GALNTL6: variants seen among roughly 807,000 people sequenced by gnomAD.
GALNTL6 encodes polypeptide N-acetylgalactosaminyltransferase like 6.
A neutral mutation model predicts 73.7 loss-of-function variants in GALNTL6; 46 were observed. The observed-to-expected ratio is 0.62, with a 90% CI of 0.49 to 0.80. The LOEUF is 0.80. GALNTL6 is among the 30% of genes least tolerant of loss of function. The pLI is 0.00. For synonymous variants in GALNTL6, 259 were observed against 263.7 expected (o/e 0.98, Z 0.17); for missense variants, 604 against 755.0 (o/e 0.80, Z 2.34).
intron 10 of GALNTL6, among the ~76,000 whole-genome samples, chr4:172,953,234 T>C (rs1749547362): frequency 6.6e-6 from 1 of 152,248 alleles, no homozygotes; most frequent in African/African-American, 2.4e-5. Context: ...ACTATTGCAC[T>C]GGGTTCGGTT....
chr4:172,417,506 G>A (rs1018998169), intron 5 of GALNTL6, among the ~76,000 whole-genome samples: 3 of 152,000 alleles, frequency 2.0e-5, no homozygotes, highest in African/African-American at 4.8e-5. Context: ...AAAATTAGCC[G>A]AGCATGGTCA....
intron 10 of GALNTL6, among the ~76,000 whole-genome samples, chr4:172,977,454 C>T (rs748920852): frequency 3.3e-5 from 5 of 152,162 alleles, no homozygotes; most frequent in Non-Finnish European, 7.4e-5. Context: ...TTGCTGTCTC[C>T]ATCAGGTGGT....
intron 2 of GALNTL6, among the ~76,000 whole-genome samples, chr4:171,959,687 G>A (rs941539531): frequency 2.0e-4 from 30 of 152,152 alleles, no homozygotes; most frequent in African/African-American, 6.8e-4. Flanking sequence ...CCTATGTAAA[G>A]AAAGAGAAAT....
chr4:171,974,178 TC>T (rs1192514078), intron 2 of GALNTL6, among the ~76,000 whole-genome samples: 3 of 152,098 alleles, frequency 2.0e-5, no homozygotes, highest in African/African-American at 7.2e-5. Flanking sequence ...CTTTTTTTTT[TC>T]TTTTTAATAA....
intron 5 of GALNTL6, among the ~76,000 whole-genome samples, chr4:172,392,477 T>A (rs201670895): frequency 1.4e-4 from 19 of 131,586 alleles, no homozygotes; most frequent in East Asian, 4.5e-4. Context: ...TTTTTTTTTT[T>A]AATATAGAGC....
At chr4:172,459,463 C>T (rs563003475) in intron 5 of GALNTL6, among the ~76,000 whole-genome samples, 137 of 152,240 alleles carry the variant, frequency 9.0e-4, no homozygotes, top group Non-Finnish European at 6.8e-4. Flanking sequence ...ATTTAGAAAA[C>T]CCCATTGTCT....
chr4:172,306,827 T>C (rs1432411030), intron 3 of GALNTL6, among the ~76,000 whole-genome samples: 3 of 152,238 alleles, frequency 2.0e-5, no homozygotes, highest in Non-Finnish European at 4.4e-5. Flanking sequence ...TATTCCATGG[T>C]ATGTATATGC....
intron 10 of GALNTL6, among the ~76,000 whole-genome samples, chr4:172,970,417 A>G (rs534478696): frequency 6.6e-6 from 1 of 152,238 alleles, no homozygotes; most frequent in East Asian, 1.9e-4. Context: ...ACAATCCCAG[A>G]GTGGCCATTT....
chr4:172,960,352 C>T (rs948332970), intron 10 of GALNTL6, among the ~76,000 whole-genome samples: 13 of 152,104 alleles, frequency 8.5e-5, no homozygotes, highest in African/African-American at 1.2e-4. Flanking sequence ...GGGCTAGTCA[C>T]GGAACGAAAC....
chr4:172,198,937 T>C (rs1735868982), intron 2 of GALNTL6, among the ~76,000 whole-genome samples: 1 of 152,194 alleles, frequency 6.6e-6, no homozygotes, highest in South Asian at 2.1e-4. Context: ...CAACTCCTAA[T>C]CATCTTTCAG....
intron 10 of GALNTL6, among the ~76,000 whole-genome samples, chr4:172,990,441 C>G (rs1488702538): frequency 1.3e-5 from 2 of 152,090 alleles, no homozygotes; most frequent in East Asian, 1.9e-4. Flanking sequence ...GTATGTCAAG[C>G]AGTAAGTCAT....
At chr4:171,965,528 C>G (rs368809305) in intron 2 of GALNTL6, among the ~76,000 whole-genome samples, 1 of 151,924 alleles carries the variant, frequency 6.6e-6, no homozygotes, top group African/African-American at 2.4e-5. Context: ...AGGTGGTGGG[C>G]ACCTGTAATC....
intron 5 of GALNTL6, among the ~76,000 whole-genome samples, chr4:172,439,444 G>A (rs1399650587): frequency 3.4e-5 from 5 of 148,658 alleles, no homozygotes; most frequent in East Asian, 4.0e-4. Context: ...ACTTACATTC[G>A]TCATGACTCG....
intron 3 of GALNTL6, among the ~76,000 whole-genome samples, chr4:172,247,172 C>G (rs1737690727): frequency 6.6e-6 from 1 of 152,066 alleles, no homozygotes; most frequent in South Asian, 2.1e-4. Context: ...TACAAGTTCT[C>G]TAAATACTAA....
chr4:172,567,237 A>G (rs1736587486), intron 5 of GALNTL6, among the ~76,000 whole-genome samples: 1 of 151,772 alleles, frequency 6.6e-6, no homozygotes, highest in Admixed American at 6.6e-5. Flanking sequence ...TACTTTGGAG[A>G]ACTCATTTTC....
chr4:172,721,691 G>T (rs1182530960), intron 5 of GALNTL6, among the ~76,000 whole-genome samples: 1 of 152,116 alleles, frequency 6.6e-6, no homozygotes, highest in Non-Finnish European at 1.5e-5. Flanking sequence ...TGTATTCTTT[G>T]TCAGCTCAAA....
At position 171,814,522 on chromosome 4, in the gene GALNTL6, A is replaced by T. The variant is rs116496056; in HGVS notation, c.-59A>T. The T allele has an allele frequency of 5.9e-4, 928 of 1,584,758 alleles. 13 individuals carry two copies. The African/African-American group carries it at 0.011, about 19-fold the overall frequency. On this transcript the variant is annotated 5_prime_UTR_variant, in exon 2 of 13. Coordinates refer to ENST00000506823, the MANE Select transcript of GALNTL6 (RefSeq NM_001034845.3). ...GGAGAGGAAAGGAATTTGACATTAA[A>T]CACAAGAAGCAGTCAGGGAGCCATC... is the stretch of plus-strand genomic sequence containing the variant.
At chr4:172,772,016 G>A (rs1738794480) in intron 5 of GALNTL6, among the ~76,000 whole-genome samples, 3 of 152,110 alleles carry the variant, frequency 2.0e-5, no homozygotes, top group Admixed American at 2.0e-4. Flanking sequence ...GGCTGGGGAG[G>A]CCTCACAATC....
At chr4:172,144,388 G>A (rs1032715969) in intron 2 of GALNTL6, among the ~76,000 whole-genome samples, 2 of 152,214 alleles carry the variant, frequency 1.3e-5, no homozygotes, top group East Asian at 3.9e-4. Context: ...CTACTACTAT[G>A]TAACTCTGAA....
Sources: gnomAD v4.1 joint callset for allele counts (sites outside exome capture counted in the v4.1 genomes callset) on GRCh38, gnomAD v4.1.1 for gene constraint, MANE v1.5 for transcripts, NCBI Gene and HGNC (gene_info 2026-07-23, HGNC 2026-07-21) for gene names.